NOTCH3: variants seen among roughly 807,000 people sequenced by gnomAD.
NOTCH3 encodes notch receptor 3.
NOTCH3 carries 86 observed loss-of-function variants against 213.3 expected under a neutral mutation model. That is an observed-to-expected ratio of 0.40 (90% CI 0.34 to 0.48). NOTCH3 has a LOEUF of 0.48. Among genes scored for constraint, NOTCH3 ranks in the 20% least tolerant of loss-of-function variants. The probability of loss-of-function intolerance (pLI) is 0.57; values close to 1 mark genes in which losing one functional copy is unlikely to be tolerated. For synonymous variants in NOTCH3, 1,354 were observed against 1,355.9 expected, an observed-to-expected ratio of 1.00 and a Z score of 0.03; for missense variants, 2,783 against 3,272.6, an observed-to-expected ratio of 0.85 and a Z score of 3.65.
chr19:15,199,060 AC>A (rs745901929), intron 1 of NOTCH3, among the ~76,000 whole-genome samples: 1 of 152,100 alleles, frequency 6.6e-6, no homozygotes, highest in Non-Finnish European at 1.5e-5. Flanking sequence ...CCACACCAGG[AC>A]CTGTGGGTGT....
Position 15,188,333 on chromosome 19 carries a change from T to A in NOTCH3, c.1394A>T (p.Tyr465Phe). The change falls in exon 9 of 33, where the codon TAT becomes TTT. Residue 465 changes from tyrosine to phenylalanine, a missense_variant. Transcript: ENST00000263388. ...ACACTCGTCAATGTCCACCTCGCAA[T>A]AGGTTCCTGTGAAGCCTGGGGCAGG... ...CICMAGFTGT[Y>F]CEVDIDECQS... 1.2e-6 allele frequency: 2 copies of A among 1,603,516 alleles called. No homozygotes were observed. The highest frequency in any genetic ancestry group is 1.3e-5 in the African/African-American group (1 of 74,850).
chr19:15,161,408 G>T lies in NOTCH3; in HGVS notation c.6220C>A (p.Pro2074Thr). ...TTGCCCCGCCCCCGGGGCCCCTGCG[G>T]CCCCAGCCCCGCCTTCCCGGGGGGC... ...RRPPGKAGLGPQGPRGRGKKL... is the reference protein window; with the variant it reads ...RRPPGKAGLGTQGPRGRGKKL... Residue 2074 changes from proline to threonine, a missense_variant, in exon 33 of 33, where the codon CCG becomes ACG. Pro to Thr is a conservative substitution (Grantham distance 38). This residue lies in a region of NOTCH3 where 441 missense variants were observed against 432.1 expected (regional missense o/e 1.02). Transcript: ENST00000263388. 1 of 1,526,032 alleles carries T rather than the reference G, an allele frequency of 6.6e-7. No individual in the cohort carries two copies. 94.5% of individuals were successfully genotyped at this position (1,526,032 alleles called of 1,614,324 possible).
rs140093939 is a variant in NOTCH3 at position 15,194,612 on chromosome 19, G to A, written c.198-2093C>T. Among the ~76,000 whole-genome samples, 355 of 152,232 alleles carry A rather than the reference G, an allele frequency of 2.3e-3. 1 individual carries two copies. Among genetic ancestry groups the A allele is most frequent in the Non-Finnish European group, 3.6e-3 (247 of 68,006 alleles). On this transcript the variant is annotated intron_variant, in intron 2 of 32. Transcript: ENST00000263388. ...ATATGAAGGTAAGGAGGGGGCCATG[G>A]GGCTTTCTGGGGAACGGCATTCCAG...
intron 31 of NOTCH3, among the ~76,000 whole-genome samples, chr19:15,163,499 A>G (rs1181844844): frequency 3.3e-5 from 5 of 152,234 alleles, no homozygotes. Flanking sequence ...ACAAATAACA[A>G]TAACAACTAC....
In NOTCH3 at chr19:15,184,444, C is replaced by G. The variant is rs752312396; in HGVS notation, c.2417G>C (p.Arg806Pro). 2.5e-6 allele frequency: 4 copies of G among 1,613,640 alleles called. No homozygotes were observed. The highest frequency in any genetic ancestry group is 2.7e-5 in the African/African-American group (2 of 74,908). ...ACACTCGTCCACATCCTGCTGGCAT[C>G]GTGGGCCTGGGGGTAGGGAGCAAGG... is the stretch of plus-strand genomic sequence containing the variant. Reference protein sequence around the residue: ...CSCPQGWQGPRCQQDVDECAG... With the variant: ...CSCPQGWQGPPCQQDVDECAG... Residue 806 changes from arginine to proline, a missense_variant, in exon 16 of 33, where the codon CGA (arginine) becomes CCA (proline). By Grantham distance (103) the Arg-to-Pro change is moderately radical (BLOSUM62 -2). This residue lies in a region of NOTCH3 where 861 missense variants were observed against 909.1 expected (regional missense o/e 0.95). Transcript: ENST00000263388.
In NOTCH3 at chr19:15,189,189, G is replaced by C; in HGVS notation, c.1193-15C>G. The C allele has an allele frequency of 6.2e-7, 1 of 1,613,266 alleles. No individual in the cohort carries two copies. The highest frequency in any genetic ancestry group is 8.5e-7 in the Non-Finnish European group (1 of 1,180,038). ...GGGGTTGGCGCCTGCCGGATGGAGT[G>C]CGATCGGTGTGGGCGTGGCTGGCCG... On this transcript the variant is annotated splice_polypyrimidine_tract_variant and intron_variant, in intron 7 of 32. Coordinates refer to ENST00000263388, the MANE Select transcript of NOTCH3 (RefSeq NM_000435.3).
At position 15,181,677 on chromosome 19, in the gene NOTCH3, G is replaced by T. The variant is rs1235042365; in HGVS notation, c.2691C>A (p.Gly897=). Residue 897 remains glycine (G), a synonymous_variant, in exon 17 of 33, where the codon GGC becomes GGA. Transcript: ENST00000263388. ...DVDECLSNPC[G]PGTCTDHVAS... ...CCACGTGGTCGGTACAGGTGCCCGG[G>T]CCGCAGGGGTTGCTCAGGCACTCAT... The T allele has an allele frequency of 1.9e-6, 3 of 1,556,132 alleles. No individual in the cohort carries two copies. Among genetic ancestry groups the T allele is most frequent in the Non-Finnish European group, 2.6e-6 (3 of 1,149,632 alleles).
chr19:15,181,249 G>A, intron 17 of NOTCH3, 87 bp from the exon 18 acceptor site: 1 of 1,241,570 alleles, frequency 8.1e-7, no homozygotes, highest in Non-Finnish European at 1.2e-6. Flanking sequence ...TTAGCGCTGG[G>A]GACGTCCCAC....
rs765449507 is a variant in NOTCH3, at chr19:15,186,948, G to A, written c.1881C>T (p.Asn627=). 7.4e-6 allele frequency: 12 copies of A among 1,614,096 alleles called. No individual in the cohort carries two copies. In the South Asian group the frequency reaches 1.2e-4, roughly 16 times the overall value. The change falls in exon 12 of 33, where the codon AAC becomes AAT. Residue 627 remains asparagine, a synonymous_variant. Coordinates refer to ENST00000263388, the MANE Select transcript of NOTCH3 (RefSeq NM_000435.3). ...CEVNIDDCAS[N]PCTFGVCRDG... is the part of the protein sequence containing the mutation. ...CACGGCAGACTCCAAAGGTGCAGGG[G>A]TTGCTGGCACAGTCGTCAATGTTCA...
chr19:15,184,430 C>A lies in NOTCH3; in HGVS notation c.2431G>T (p.Val811Leu), dbSNP rs780458710. 6.2e-7 allele frequency: 1 copy of A among 1,613,894 alleles called. No individual in the cohort carries two copies. Residue 811 changes from valine to leucine, a missense_variant, in exon 16 of 33, where the codon GTG becomes TTG. Val to Leu is a conservative substitution (Grantham distance 32, BLOSUM62 1). Coordinates refer to ENST00000263388, the MANE Select transcript of NOTCH3 (RefSeq NM_000435.3). ...GGTGCGGGGCCAGCACACTCGTCCA[C>A]ATCCTGCTGGCATCGTGGGCCTGGG... ...GWQGPRCQQDVDECAGPAPCG... is the reference protein window; with the variant it reads ...GWQGPRCQQDLDECAGPAPCG...
intron 29 of NOTCH3, 88 bp downstream of exon 29, chr19:15,167,161 A>T: frequency 7.0e-7 from 1 of 1,420,014 alleles, no homozygotes; most frequent in African/African-American, 1.4e-5. Flanking sequence ...AGACTCCCCC[A>T]GTTCTCCCCA....
intron 25 of NOTCH3, among the ~76,000 whole-genome samples, chr19:15,172,898 G>A (rs1241242998): frequency 2.0e-5 from 3 of 149,682 alleles, no homozygotes; most frequent in Admixed American, 6.6e-5. Flanking sequence ...AACTCCTGAC[G>A]TCAAATGAAC....
rs1599358829 is a variant in NOTCH3, at chr19:15,160,810, G to A, written c.6818C>T (p.Pro2273Leu). ...GGCCATGGCCCCAGTGGCAGTGGCT[G>A]GGCTAGGCGTGGATTCGGACCAGTC... ...LSDWSESTPS[P>L]ATATGAMATT... Residue 2273 changes from proline to leucine, a missense_variant, in exon 33 of 33, where the codon CCA (proline) becomes CTA (leucine). Coordinates refer to ENST00000263388, the MANE Select transcript of NOTCH3 (RefSeq NM_000435.3). 1 of 1,614,054 alleles carries A rather than the reference G, an allele frequency of 6.2e-7. No individual in the cohort carries two copies. Among genetic ancestry groups the A allele is most frequent in the African/African-American group, 1.3e-5 (1 of 75,032 alleles).
At chr19:15,180,350 G>A in intron 19 of NOTCH3, 94 bp from the exon 20 acceptor site, 2 of 1,389,076 alleles carry the variant, frequency 1.4e-6, no homozygotes, top group Non-Finnish European at 2.0e-6. Flanking sequence ...TTGGTGGAAT[G>A]AGTCCCCAGG....
At chr19:15,195,822 A>G (rs1306281146) in intron 2 of NOTCH3, among the ~76,000 whole-genome samples, 1 of 150,776 alleles carries the variant, frequency 6.6e-6, no homozygotes, top group Non-Finnish European at 1.5e-5. Flanking sequence ...GCGGGTTCCC[A>G]CGCTCTGCGT....
chr19:15,178,731 C>T, intron 23 of NOTCH3, 92 bp downstream of exon 23: 2 of 940,064 alleles, frequency 2.1e-6, no homozygotes, highest in Non-Finnish European at 1.7e-6. Flanking sequence ...GATGTCTCCC[C>T]TAAAGCCACA....
intron 23 of NOTCH3, chr19:15,178,583 C>G (rs2046811780): frequency 1.7e-6 from 1 of 575,424 alleles, no homozygotes; most frequent in East Asian, 3.0e-5. Flanking sequence ...CGGGGTTTCA[C>G]CATGTTGCCC....
chr19:15,164,638 C>T (rs1024591618), intron 31 of NOTCH3, among the ~76,000 whole-genome samples: 1 of 151,956 alleles, frequency 6.6e-6, no homozygotes, highest in Non-Finnish European at 1.5e-5. Context: ...TTTCAAGTCA[C>T]TATATGTGGC....
chr19:15,192,122 T>A lies in NOTCH3; in HGVS notation c.517A>T (p.Thr173Ser). 6.2e-7 allele frequency: 1 copy of A among 1,612,808 alleles called. No homozygotes were observed. The highest frequency in any genetic ancestry group is 1.1e-5 in the South Asian group (1 of 91,074). The change falls in exon 4 of 33, where the codon ACC becomes TCC. Residue 173 changes from threonine (T) to serine (S), a missense_variant. Transcript: ENST00000263388. ...AAGGAGCCAGGTGTGTTGAGGCAGGTGCCACCATGGCGGCAGGGCTCACCC... is the reference window on the plus strand; with the variant it reads ...AAGGAGCCAGGTGTGTTGAGGCAGGAGCCACCATGGCGGCAGGGCTCACCC... The part of the protein sequence containing the change: ...RVGEPCRHGG[T>S]CLNTPGSFRC...
Sources: allele counts gnomAD v4.1 joint callset (sites outside exome capture counted in the v4.1 genomes callset), GRCh38; gene constraint gnomAD v4.1.1; regional missense constraint gnomAD v4.1.1; transcripts MANE v1.5; gene names NCBI Gene and HGNC (gene_info 2026-07-23, HGNC 2026-07-21).